The following TRIM14 variants were observed in gnomAD, a reference collection of about 807,000 sequenced individuals.
TRIM14 encodes tripartite motif-containing protein 14.
In TRIM14, 28 loss-of-function variants were observed where a neutral mutation model predicts 44.5. That is an observed-to-expected ratio of 0.63 (90% confidence interval 0.47 to 0.86). The LOEUF is 0.86. TRIM14 is among the 40% of genes least tolerant of loss of function. The pLI, the probability that TRIM14 is intolerant of heterozygous loss-of-function variation, is 0.00. For synonymous variants in TRIM14, 299 were observed against 269.2 expected (o/e 1.11, Z -1.08); for missense variants, 607 against 611.1 (o/e 0.99, Z 0.07).
At chr9:98,080,707 G>A, downstream of TRIM14, 2 of 1,262,098 alleles carry the variant, frequency 1.6e-6, no homozygotes, top group South Asian at 1.5e-5. Context: ...GCCCCTGGCT[G>A]CACAGCTAGT....
chr9:98,056,833 C>T, the TRIM14 span: 2 of 1,612,130 alleles, frequency 1.2e-6, no homozygotes, highest in South Asian at 2.2e-5. Flanking sequence ...GGAGCTGTGT[C>T]CCGGGCGCTG....
At chr9:98,104,548 A>G (rs1826531564) in intron 2 of TRIM14, among the ~76,000 whole-genome samples, 1 of 152,222 alleles carries the variant, frequency 6.6e-6, no homozygotes, top group Non-Finnish European at 1.5e-5. Flanking sequence ...AAGGGGAGAG[A>G]GAGAGAGAGA....
chr9:98,054,925 T>C, the TRIM14 span, among the ~76,000 whole-genome samples: 6 of 152,226 alleles, frequency 3.9e-5, no homozygotes, highest in Admixed American at 1.3e-4. Flanking sequence ...ATAGAGAGAG[T>C]AATTCATGCA....
chr9:98,041,553 A>T, the TRIM14 span, among the ~76,000 whole-genome samples: 1 of 151,748 alleles, frequency 6.6e-6, no homozygotes, highest in East Asian at 1.9e-4. Context: ...GTGCAATGAC[A>T]TGATCTTGGC....
downstream of TRIM14, among the ~76,000 whole-genome samples, chr9:98,068,840 A>AG (rs1285908071): frequency 1.3e-5 from 2 of 152,098 alleles, no homozygotes; most frequent in Non-Finnish European, 2.9e-5. Context: ...AAAAAAAAAA[A>AG]AAAATTGATA....
chr9:98,092,471 C>CT (rs1375880651), intron 4 of TRIM14: 13 of 386,916 alleles, frequency 3.4e-5, no homozygotes, highest in Non-Finnish European at 5.7e-5. Context: ...TCCTTCCCAG[C>CT]TATTGGGGCC....
At chr9:98,058,354 T>C in the TRIM14 span, among the ~76,000 whole-genome samples, 1 of 152,214 alleles carries the variant, frequency 6.6e-6, no homozygotes. Context: ...ATGCACCATC[T>C]CATTTAATTT....
At position 98,085,577 on chromosome 9, in the gene TRIM14, T is replaced by TGTTGGG. The variant is rs1564170124; in HGVS notation, c.*1892_*1893insCCCAAC. 1 of 152,160 alleles carries TGTTGGG rather than the reference T, an allele frequency of 6.6e-6. No homozygotes were observed. The highest frequency in any genetic ancestry group is 2.4e-5 in the African/African-American group (1 of 41,396). The allele number at this position is 152,160 out of a possible 1,614,324, so 9.4% of individuals were successfully genotyped here. ...TGGGGTCAAGTGTATTCATCTTCCC[T>TGTTGGG]CTGTCAGGAACACCCTCTGCCTGTC... On this transcript the variant is annotated 3_prime_UTR_variant, in exon 6 of 6. Transcript: ENST00000341469.
At chr9:98,048,123 G>C in the TRIM14 span, among the ~76,000 whole-genome samples, 47,062 of 150,884 alleles carry the variant, frequency 0.31, 7,701 homozygotes, top group Admixed American at 0.35. Flanking sequence ...TGAGAGACAA[G>C]ACTCCCATGG....
the TRIM14 span, among the ~76,000 whole-genome samples, chr9:98,046,453 T>G: frequency 4.6e-5 from 7 of 152,086 alleles, no homozygotes; most frequent in Admixed American, 1.3e-4. Context: ...TTTGTTTTTT[T>G]TTTCAGAGAT....
the TRIM14 span, chr9:98,056,785 G>A: frequency 1.2e-5 from 20 of 1,608,662 alleles, no homozygotes; most frequent in Non-Finnish European, 1.6e-5. Flanking sequence ...CTGGTAGTGA[G>A]GCTTTGGACC....
rs34246943 is a variant in TRIM14, at chr9:98,108,081, CT to C, written c.303+1807del. Among the ~76,000 whole-genome samples, 368 of 133,496 alleles carry C rather than the reference CT, an allele frequency of 2.8e-3. 1 individual carries two copies. The highest frequency in any genetic ancestry group is 7.6e-3 in the South Asian group (32 of 4,208). 87.6% of individuals were successfully genotyped at this position (133,496 alleles called of 152,430 possible). ...CATAAAACTATACACACATACCATCCTTTTTTTTTTTTTTTTTGGATAGTGT... is the reference window on the plus strand; with the variant it reads ...CATAAAACTATACACACATACCATCCTTTTTTTTTTTTTTTTGGATAGTGT... On this transcript the variant is annotated intron_variant, in intron 2 of 5. Coordinates refer to ENST00000341469, the MANE Select transcript of TRIM14 (RefSeq NM_014788.4).
intron 6 of TRIM14, chr9:98,078,125 G>A (rs762807989): frequency 3.8e-6 from 6 of 1,599,132 alleles, no homozygotes; most frequent in Non-Finnish European, 5.1e-6. Flanking sequence ...CCAGCAGTTG[G>A]GATGTGTTGG....
Position 98,070,664 on chromosome 9 carries a change from C to T in TRIM14, c.*29-977G>A, listed in dbSNP as rs7040037. ...CAAACTCCCGACCTCAGGTGATCCG[C>T]CCACCTTGTCCTCCCAAAGTGCTGG... On this transcript the variant is annotated intron_variant, in intron 6 of 6. Coordinates refer to the TRIM14 transcript ENST00000375098. 4.5e-3 allele frequency among the ~76,000 whole-genome samples: 689 copies of T among 152,226 alleles called. 6 individuals are homozygous for T. The highest frequency in any genetic ancestry group is 0.016 in the African/African-American group (656 of 41,520).
chr9:98,087,035 A>G lies in TRIM14; in HGVS notation c.*435T>C. ...GGAAGCGGAAGATTCAAGGGACCTC[A>G]AGAGACAGAAGAGTCAGGACTGGAT... On this transcript the variant is annotated 3_prime_UTR_variant, in exon 6 of 6. Coordinates refer to ENST00000341469, the MANE Select transcript of TRIM14 (RefSeq NM_014788.4). 3.2e-6 allele frequency: 1 copy of G among 309,650 alleles called. No homozygotes were observed. Among genetic ancestry groups the G allele is most frequent in the Non-Finnish European group, 6.4e-6 (1 of 155,986 alleles). 19.2% of individuals were successfully genotyped at this position (309,650 alleles called of 1,614,324 possible).
At chr9:98,099,837 G>C (rs1736884398) in intron 3 of TRIM14, 94 bp downstream of exon 3, 3 of 1,088,802 alleles carry the variant, frequency 2.8e-6, no homozygotes, top group Admixed American at 3.8e-5. Context: ...CCATGTACTT[G>C]CTTAGTGTGT....
rs180754206 is a variant in TRIM14 at position 98,103,566 on chromosome 9, C to T, written c.304-3402G>A. 5.9e-5 allele frequency among the ~76,000 whole-genome samples: 9 copies of T among 152,116 alleles called. No individual in the cohort carries two copies. The South Asian group carries it at 8.3e-4, about 14-fold the overall frequency. ...ATTAAAAAAACACTAAAGCTGGGCA[C>T]GGTGGCTCACGCCTGTAATTCCAGC... On this transcript the variant is annotated intron_variant, in intron 2 of 5. Coordinates refer to ENST00000341469, the MANE Select transcript of TRIM14 (RefSeq NM_014788.4).
At chr9:98,052,849 T>C in the TRIM14 span, among the ~76,000 whole-genome samples, 3 of 152,232 alleles carry the variant, frequency 2.0e-5, no homozygotes, top group African/African-American at 7.2e-5. Flanking sequence ...CCAATATTTC[T>C]GGCTTTTGAA....
chr9:98,105,870 C>A (rs1217197348), intron 2 of TRIM14, among the ~76,000 whole-genome samples: 1 of 152,200 alleles, frequency 6.6e-6, no homozygotes, highest in African/African-American at 2.4e-5. Flanking sequence ...AAAAACTCCA[C>A]CCCCGGGCCC....
Sources: gnomAD v4.1 joint callset for allele counts (sites outside exome capture counted in the v4.1 genomes callset) on GRCh38, gnomAD v4.1.1 for gene constraint, MANE v1.5 for transcripts, NCBI Gene and HGNC (gene_info 2026-07-23, HGNC 2026-07-21) for gene names.